Variants in PIK3AP1 observed in about 807,000 individuals in gnomAD.
PIK3AP1 encodes phosphoinositide-3-kinase adaptor protein 1, also known as phosphoinositide 3-kinase adapter protein 1.
A neutral mutation model predicts 88.1 loss-of-function variants in PIK3AP1; 21 were observed. That is an observed-to-expected ratio of 0.24 (90% CI 0.17 to 0.34). The LOEUF (loss-of-function observed/expected upper bound fraction) is 0.34. Among genes scored for constraint, PIK3AP1 ranks in the 10% least tolerant of loss-of-function variants. The probability of loss-of-function intolerance (pLI) is 1.00; values close to 1 mark genes in which losing one functional copy is unlikely to be tolerated. For synonymous variants in PIK3AP1, 398 were observed against 400.0 expected, an observed-to-expected ratio of 1.00 and a Z score of 0.06; for missense variants, 828 against 1,035.7, an observed-to-expected ratio of 0.80 and a Z score of 2.75.
intron 2 of PIK3AP1, among the ~76,000 whole-genome samples, chr10:96,676,370 C>T (rs1843919468): frequency 1.3e-5 from 2 of 150,354 alleles, no homozygotes; most frequent in Admixed American, 1.3e-4. Context: ...TACTGCTGGC[C>T]GGTGGCCCCT....
At chr10:96,700,069 G>A (rs1844275382) in intron 2 of PIK3AP1, among the ~76,000 whole-genome samples, 1 of 152,204 alleles carries the variant, frequency 6.6e-6, no homozygotes, top group African/African-American at 2.4e-5. Context: ...TTCAGACAGA[G>A]ACAGGTGCAA....
chr10:96,653,479 CTTTTTTTT>C (rs748930022), intron 3 of PIK3AP1, among the ~76,000 whole-genome samples: 20 of 61,806 alleles, frequency 3.2e-4, no homozygotes, highest in Non-Finnish European at 4.6e-4. Flanking sequence ...ACTTTATACA[CTTTTTTTT>C]TTTTTTTTTT....
chr10:96,653,415 A>AC (rs200458105), intron 3 of PIK3AP1, among the ~76,000 whole-genome samples: 2,554 of 149,694 alleles, frequency 0.017, 197 homozygotes, highest in Admixed American at 0.11. Flanking sequence ...CAAAAAAAAA[A>AC]AAAAACACAC....
chr10:96,690,906 G>A (rs960363365), intron 2 of PIK3AP1, among the ~76,000 whole-genome samples: 2 of 152,236 alleles, frequency 1.3e-5, no homozygotes, highest in Admixed American at 6.5e-5. Context: ...TGGAAGACGT[G>A]AGGTATGGAA....
chr10:96,628,383 A>G lies in PIK3AP1; in HGVS notation c.1471+15T>C, dbSNP rs749857930. 2 of 1,574,634 alleles carry G rather than the reference A, an allele frequency of 1.3e-6. No homozygotes were observed. Among genetic ancestry groups the G allele is most frequent in the Non-Finnish European group, 1.7e-6 (2 of 1,144,102 alleles). On this transcript the variant is annotated intron_variant, in intron 9 of 16. Coordinates refer to ENST00000339364, the MANE Select transcript of PIK3AP1 (RefSeq NM_152309.3). ...TTTTGCTCTTTTGGCTTCCCTGCTC[A>G]TGGCTATGACTTACCTTCTAAAAAC...
At chr10:96,599,381 A>G (rs1367041377) in intron 16 of PIK3AP1, among the ~76,000 whole-genome samples, 1 of 152,178 alleles carries the variant, frequency 6.6e-6, no homozygotes, top group Non-Finnish European at 1.5e-5. Flanking sequence ...TCCCCAGTCA[A>G]CTGCAGGAAA....
chr10:96,716,372 T>C (rs1477083595), intron 1 of PIK3AP1, among the ~76,000 whole-genome samples: 2 of 152,348 alleles, frequency 1.3e-5, no homozygotes, highest in African/African-American at 4.8e-5. Flanking sequence ...AGTGAAAGTA[T>C]TTGAGGAGAA....
At chr10:96,654,807 G>A (rs189561601) in intron 3 of PIK3AP1, among the ~76,000 whole-genome samples, 68 of 152,312 alleles carry the variant, frequency 4.5e-4, no homozygotes, top group Non-Finnish European at 8.2e-4. Flanking sequence ...CTGACCAGAG[G>A]GGCATGGGGA....
Position 96,651,577 on chromosome 10 carries a change from A to T in PIK3AP1, c.787T>A (p.Tyr263Asn), listed in dbSNP as rs1843538159. ...LVVCETVISY[Y>N]TDMEEIGNLL... ...TTCCCAATTTCTTCCATGTCAGTAT[A>T]ATAGCTGATAACGGTTTCACACACC... The change falls in exon 5 of 17, where the codon TAT (tyrosine) becomes AAT (asparagine). Residue 263 changes from tyrosine (Y) to asparagine (N), a missense_variant. Physicochemically the swap from Tyr to Asn is moderately radical, Grantham distance 143. Around this residue, in one of 3 missense-constraint regions of PIK3AP1, gnomAD observed 610 missense variants for 760.1 expected, o/e 0.80. Transcript: ENST00000339364. The T allele has an allele frequency of 6.2e-7, 1 of 1,614,092 alleles. No individual in the cohort carries two copies. Among genetic ancestry groups the T allele is most frequent in the Non-Finnish European group, 8.5e-7 (1 of 1,180,016 alleles).
chr10:96,642,189 C>G (rs1843397699), intron 8 of PIK3AP1, among the ~76,000 whole-genome samples: 1 of 151,980 alleles, frequency 6.6e-6, no homozygotes, highest in South Asian at 2.1e-4. Flanking sequence ...CTTTGGGAGG[C>G]CAAAGCAGAC....
chr10:96,647,139 G>A (rs796834662), intron 7 of PIK3AP1, among the ~76,000 whole-genome samples: 3 of 152,350 alleles, frequency 2.0e-5, no homozygotes, highest in South Asian at 4.1e-4. Context: ...GGTGACCACA[G>A]GGAGAAAGCA....
chr10:96,641,911 G>A (rs1014245759), intron 8 of PIK3AP1, among the ~76,000 whole-genome samples: 1 of 152,310 alleles, frequency 6.6e-6, no homozygotes, highest in Admixed American at 6.5e-5. Context: ...AGATTTAGCA[G>A]TTTGTCCTTT....
At chr10:96,632,900 G>A (rs1467812457) in intron 8 of PIK3AP1, 1 of 1,612,454 alleles carries the variant, frequency 6.2e-7, no homozygotes. Context: ...GATGACCCTG[G>A]GACATGCTTG....
intron 3 of PIK3AP1, 53 bp downstream of exon 3, chr10:96,656,745 T>C (rs1843619489): frequency 6.2e-7 from 1 of 1,602,412 alleles, no homozygotes; most frequent in African/African-American, 1.3e-5. Flanking sequence ...AATGCATGCA[T>C]TTGAAAAGCC....
chr10:96,682,411 A>T (rs1013624136), intron 2 of PIK3AP1, among the ~76,000 whole-genome samples: 1 of 152,112 alleles, frequency 6.6e-6, no homozygotes, highest in African/African-American at 2.4e-5. Flanking sequence ...CACATGCCAA[A>T]TGCCTACTTC....
intron 8 of PIK3AP1, among the ~76,000 whole-genome samples, chr10:96,628,910 G>GA (rs1843197915): frequency 1.2e-5 from 1 of 85,716 alleles, no homozygotes; most frequent in Non-Finnish European, 2.2e-5. Flanking sequence ...ATATATATGT[G>GA]TATATATATA....
At chr10:96,667,700 A>C (rs1000030367) in intron 2 of PIK3AP1, among the ~76,000 whole-genome samples, 1 of 152,224 alleles carries the variant, frequency 6.6e-6, no homozygotes, top group Non-Finnish European at 1.5e-5. Flanking sequence ...TTTTAAGAAA[A>C]AAAAAAATAA....
At chr10:96,598,157 C>T (rs1335031277) in intron 16 of PIK3AP1, among the ~76,000 whole-genome samples, 1 of 151,538 alleles carries the variant, frequency 6.6e-6, no homozygotes, top group Non-Finnish European at 1.5e-5. Context: ...AATTTGCCCA[C>T]CTCAGCCTCT....
At chr10:96,649,598 T>A (rs1442343021) in intron 6 of PIK3AP1, among the ~76,000 whole-genome samples, 1 of 152,268 alleles carries the variant, frequency 6.6e-6, no homozygotes, top group Non-Finnish European at 1.5e-5. Flanking sequence ...ATTCCTAATT[T>A]CATGATAAGT....
Sources: gnomAD v4.1 joint callset for allele counts (sites outside exome capture counted in the v4.1 genomes callset) on GRCh38, gnomAD v4.1.1 for gene constraint, gnomAD v4.1.1 regional missense constraint, MANE v1.5 for transcripts, NCBI Gene and HGNC (gene_info 2026-07-23, HGNC 2026-07-21) for gene names.